The following SND1 variants were observed in gnomAD, a reference collection of about 807,000 sequenced individuals.
SND1 encodes staphylococcal nuclease domain-containing protein 1.
Under a neutral mutation model 121.7 loss-of-function variants are expected in SND1, and 38 were observed. That is an observed-to-expected ratio of 0.31 (90% CI 0.24 to 0.41). The LOEUF (loss-of-function observed/expected upper bound fraction) is 0.41. Among genes scored for constraint, SND1 ranks in the 10% least tolerant of loss-of-function variants. SND1 has a pLI of 1.00. For synonymous variants in SND1, 401 were observed against 447.4 expected (o/e 0.90, Z 1.31); for missense variants, 868 against 1,184.6 (o/e 0.73, Z 3.92).
intron 2 of SND1, 199 bp downstream of exon 2, chr7:127,686,961 C>T (rs1310376181): frequency 3.8e-6 from 2 of 528,358 alleles, no homozygotes; most frequent in Non-Finnish European, 6.4e-6. Context: ...CAGTTGAAGT[C>T]TTAGAGCTTT....
chr7:127,822,496 G>A (rs1238111374), intron 11 of SND1, among the ~76,000 whole-genome samples: 2 of 151,964 alleles, frequency 1.3e-5, no homozygotes, highest in South Asian at 2.1e-4. Flanking sequence ...TTCTGTCTTT[G>A]TTTATGATAC....
chr7:128,005,561 T>G lies in SND1; in HGVS notation c.1779+14505T>G, dbSNP rs147993977. 1.0e-3 allele frequency among the ~76,000 whole-genome samples: 155 copies of G among 152,356 alleles called. 1 individual carries two copies. The highest frequency in any genetic ancestry group is 0.01 in the East Asian group (52 of 5,194). Reference sequence around the variant, plus strand: ...AGAAAAAATGGCAGGCAGTACCAATTCATTTGTCATGAGCTATCCATTTCC... The same window carrying G: ...AGAAAAAATGGCAGGCAGTACCAATGCATTTGTCATGAGCTATCCATTTCC... On this transcript the variant is annotated intron_variant, in intron 16 of 23. Transcript: ENST00000354725.
At chr7:128,003,578 T>C (rs1296012106) in intron 16 of SND1, among the ~76,000 whole-genome samples, 1 of 152,228 alleles carries the variant, frequency 6.6e-6, no homozygotes, top group Non-Finnish European at 1.5e-5. Context: ...CACACATCTC[T>C]ATAATGCTTG....
chr7:127,720,856 T>C (rs992011481), intron 9 of SND1, among the ~76,000 whole-genome samples: 1 of 152,198 alleles, frequency 6.6e-6, no homozygotes, highest in Admixed American at 6.5e-5. Flanking sequence ...CTATTTTGGT[T>C]CTTTCTCATC....
At chr7:127,966,303 A>G (rs1020078431) in intron 15 of SND1, among the ~76,000 whole-genome samples, 1 of 150,666 alleles carries the variant, frequency 6.6e-6, no homozygotes, top group Non-Finnish European at 1.5e-5. Context: ...ACGAGACAGA[A>G]AGTCAACAAG....
intron 9 of SND1, among the ~76,000 whole-genome samples, chr7:127,715,658 A>C (rs538204089): frequency 2.6e-5 from 4 of 152,222 alleles, no homozygotes; most frequent in African/African-American, 9.6e-5. Context: ...TGGGTATATG[A>C]TTGGCAAATA....
At chr7:127,700,320 G>C (rs1796079012) in intron 4 of SND1, among the ~76,000 whole-genome samples, 1 of 152,098 alleles carries the variant, frequency 6.6e-6, no homozygotes, top group Non-Finnish European at 1.5e-5. Flanking sequence ...GATCCCTGAG[G>C]GTGTGGTTGC....
chr7:127,652,565 CT>C, intron 1 of SND1, 114 bp downstream of exon 1: 1 of 871,348 alleles, frequency 1.1e-6, no homozygotes, highest in Non-Finnish European at 1.7e-6. Flanking sequence ...CCTCTGCCCC[CT>C]TCCTCACTTT....
intron 14 of SND1, among the ~76,000 whole-genome samples, chr7:127,912,094 C>T (rs1800470636): frequency 6.6e-6 from 1 of 152,152 alleles, no homozygotes; most frequent in Admixed American, 6.5e-5. Flanking sequence ...GACTTACAGG[C>T]ATAAGCCACA....
At chr7:127,707,763 A>AGG in intron 9 of SND1, 116 bp downstream of exon 9, 1 of 579,152 alleles carries the variant, frequency 1.7e-6, no homozygotes, top group Non-Finnish European at 3.0e-6. Flanking sequence ...GCAAGCCAGT[A>AGG]GGAGTGTGTG....
chr7:128,063,187 A>G (rs998913277), intron 16 of SND1, among the ~76,000 whole-genome samples: 3 of 152,070 alleles, frequency 2.0e-5, no homozygotes, highest in Non-Finnish European at 4.4e-5. Flanking sequence ...TTCCTTGCTG[A>G]GGGATGGGTG....
chr7:127,818,946 G>A (rs1798497042), intron 11 of SND1, among the ~76,000 whole-genome samples: 2 of 152,184 alleles, frequency 1.3e-5, no homozygotes, highest in South Asian at 4.1e-4. Flanking sequence ...GAGCTGGGGA[G>A]GCTTTTTTAG....
chr7:128,061,861 C>T (rs1191396880), intron 16 of SND1, among the ~76,000 whole-genome samples: 1 of 152,256 alleles, frequency 6.6e-6, no homozygotes, highest in Non-Finnish European at 1.5e-5. Flanking sequence ...CAGGTCATAC[C>T]GAGCAAGAAT....
intron 14 of SND1, among the ~76,000 whole-genome samples, chr7:127,920,794 C>T (rs764377284): frequency 6.6e-6 from 1 of 150,668 alleles, no homozygotes; most frequent in Non-Finnish European, 1.5e-5. Context: ...TTCTTATTTC[C>T]GCCCTTTTTA....
At position 127,726,951 on chromosome 7, in the gene SND1, G is replaced by T. The variant is rs187733852; in HGVS notation, c.1152+5551G>T. ...GTCTCTGACAGCCCCCACTGCCAGC[G>T]CTCCCACTTAGTATTTTGGGAAGGA... is the stretch of plus-strand genomic sequence containing the variant. On this transcript the variant is annotated intron_variant, in intron 10 of 23. Transcript: ENST00000354725. Among the ~76,000 whole-genome samples, 17 of 152,200 alleles carry T rather than the reference G, an allele frequency of 1.1e-4. 1 individual carries two copies. The South Asian group carries it at 2.5e-3, about 22-fold the overall frequency.
At chr7:127,955,147 A>G (rs185106693) in intron 15 of SND1, among the ~76,000 whole-genome samples, 1 of 152,254 alleles carries the variant, frequency 6.6e-6, no homozygotes, top group East Asian at 1.9e-4. Flanking sequence ...TGACGTCCAC[A>G]TAAGGAGAAT....
intron 10 of SND1, among the ~76,000 whole-genome samples, chr7:127,743,354 A>AT (rs1333170480): frequency 6.6e-6 from 1 of 152,296 alleles, no homozygotes; most frequent in African/African-American, 2.4e-5. Flanking sequence ...TTACCTAGAC[A>AT]TTTTGTGAAG....
intron 10 of SND1, among the ~76,000 whole-genome samples, chr7:127,770,311 A>G (rs1263073263): frequency 6.6e-6 from 1 of 152,388 alleles, no homozygotes; most frequent in African/African-American, 2.4e-5. Flanking sequence ...AATGTTTTGT[A>G]GAATAAAAGT....
intron 16 of SND1, among the ~76,000 whole-genome samples, chr7:128,035,851 T>C (rs535084058): frequency 6.6e-5 from 10 of 152,168 alleles, no homozygotes; most frequent in Non-Finnish European, 1.2e-4. Context: ...GGTTCCTTAG[T>C]AAAGCCCAAG....
Sources: allele counts gnomAD v4.1 joint callset (sites outside exome capture counted in the v4.1 genomes callset), GRCh38; gene constraint gnomAD v4.1.1; transcripts MANE v1.5; gene names NCBI Gene and HGNC (gene_info 2026-07-23, HGNC 2026-07-21).